The following TOP1MT variants were observed in gnomAD, a reference collection of about 807,000 sequenced individuals.
The protein encoded by TOP1MT is DNA topoisomerase I, mitochondrial.
A neutral mutation model predicts 73.9 loss-of-function variants in TOP1MT; 80 were observed. The ratio of observed to expected loss-of-function variants is 1.08; its 90% confidence interval spans 0.90 to 1.30. TOP1MT has a LOEUF of 1.30. Among genes scored for constraint, TOP1MT ranks in the 50% most tolerant of loss-of-function variants. The pLI, the probability that TOP1MT is intolerant of heterozygous loss-of-function variation, is 0.00. For synonymous variants in TOP1MT, 338 were observed against 326.4 expected (o/e 1.04, Z -0.38); for missense variants, 815 against 808.0 (o/e 1.01, Z -0.10).
intron 7 of TOP1MT, 129 bp from the exon 8 acceptor site, chr8:143,321,515 TCCACACACGCACGCCACACACACGCACG>T (rs1563757702): frequency 8.3e-5 from 34 of 410,208 alleles, no homozygotes; most frequent in African/African-American, 6.2e-4. Context: ...ACACACGCAC[TCCACACACGCACGCCACACACACGCACG>T]CCACACACGC....
At chr8:143,310,836 C>T (rs1309004294) in intron 12 of TOP1MT, among the ~76,000 whole-genome samples, 3 of 152,242 alleles carry the variant, frequency 2.0e-5, no homozygotes, top group Non-Finnish European at 4.4e-5. Context: ...GCATGAGCCA[C>T]ATCCCCAGGG....
upstream of TOP1MT, among the ~76,000 whole-genome samples, chr8:143,337,689 G>A (rs1056849398): frequency 6.6e-6 from 1 of 152,336 alleles, no homozygotes; most frequent in Admixed American, 6.5e-5. Flanking sequence ...TACACCTGTA[G>A]TAAGGGAGGA....
chr8:143,322,642 GCCACACGCACA>G (rs1399301291), intron 7 of TOP1MT, among the ~76,000 whole-genome samples: 1,875 of 9,286 alleles, frequency 0.2, 209 homozygotes, highest in African/African-American at 0.36. Flanking sequence ...ACACACACAC[GCCACACGCACA>G]CCACACACGC....
At chr8:143,342,336 A>G (rs1286713717) in intron 2 of TOP1MT, among the ~76,000 whole-genome samples, 1 of 134,498 alleles carries the variant, frequency 7.4e-6, no homozygotes, top group East Asian at 2.1e-4. Context: ...CGCTGTTATT[A>G]TTATTATTAG....
chr8:143,314,913 A>G (rs1338290525), intron 12 of TOP1MT, among the ~76,000 whole-genome samples: 1 of 152,156 alleles, frequency 6.6e-6, no homozygotes, highest in African/African-American at 2.4e-5. Context: ...ATATGAGGGG[A>G]CATAGTGAGG....
At chr8:143,321,926 T>G (rs370120173) in intron 7 of TOP1MT, among the ~76,000 whole-genome samples, 18 of 8,070 alleles carry the variant, frequency 2.2e-3, no homozygotes, top group East Asian at 8.8e-3. Context: ...GCCACACACA[T>G]GCACGCCACA....
intron 7 of TOP1MT, among the ~76,000 whole-genome samples, chr8:143,321,697 C>A (rs1465029566): frequency 1.3e-4 from 16 of 125,352 alleles, no homozygotes; most frequent in African/African-American, 5.0e-4. Flanking sequence ...CGCACGCACG[C>A]CACGCACACA....
At chr8:143,316,322 A>G (rs1816162378) in intron 10 of TOP1MT, among the ~76,000 whole-genome samples, 196 bp from the exon 11 acceptor site, 1 of 152,176 alleles carries the variant, frequency 6.6e-6, no homozygotes, top group Non-Finnish European at 1.5e-5. Context: ...GTCTTTAACC[A>G]CAGCAACAAG....
chr8:143,339,091 G>A (rs1344209542), upstream of TOP1MT, among the ~76,000 whole-genome samples: 1 of 152,186 alleles, frequency 6.6e-6, no homozygotes, highest in Non-Finnish European at 1.5e-5. Flanking sequence ...AGAAGCCGGA[G>A]CTCCAAGGCT....
At chr8:143,310,501 C>T (rs552512568) in intron 12 of TOP1MT, 210 of 313,090 alleles carry the variant, frequency 6.7e-4, no homozygotes, top group Non-Finnish European at 1.1e-3. Context: ...AGACTGAGGC[C>T]GGCCCAAACA....
chr8:143,351,881 C>T (rs1377407664), intron 1 of TOP1MT, among the ~76,000 whole-genome samples: 8 of 152,164 alleles, frequency 5.3e-5, no homozygotes, highest in African/African-American at 1.9e-4. Context: ...GTCAGGAGTT[C>T]GAGACCAGCC....
rs994748996 is a variant in TOP1MT at position 143,321,346 on chromosome 8, G to A, written c.1001C>T (p.Ala334Val). 5.0e-6 allele frequency: 8 copies of A among 1,598,232 alleles called. No homozygotes were observed. Among genetic ancestry groups the A allele is most frequent in the Non-Finnish European group, 6.0e-6 (7 of 1,168,242 alleles). ...GGAACAGCAGCCCACGGTGTCGGCC[G>A]CCTCACCGTCCTCCTTCTCATTTCC... ...RAGNEKEDGE[A>V]ADTVGCCSLR... is the part of the protein sequence containing the mutation. Residue 334 changes from alanine to valine, a missense_variant, in exon 8 of 14, where the codon GCG becomes GTG. Around this residue, in one of 3 missense-constraint regions of TOP1MT, gnomAD observed 751 missense variants for 725.4 expected, o/e 1.04. Coordinates refer to ENST00000329245, the MANE Select transcript of TOP1MT (RefSeq NM_052963.3).
intron 10 of TOP1MT, among the ~76,000 whole-genome samples, chr8:143,316,477 C>G (rs896945089): frequency 6.9e-6 from 1 of 145,026 alleles, no homozygotes; most frequent in African/African-American, 2.6e-5. Context: ...CTGTGGGTCC[C>G]TGCCTGTCAC....
intron 2 of TOP1MT, among the ~76,000 whole-genome samples, chr8:143,330,947 A>AGGG (rs140746863): frequency 1.7e-5 from 1 of 59,864 alleles, no homozygotes; most frequent in African/African-American, 5.0e-5. Context: ...GGGGGGAGGG[A>AGGG]GGGGGGGTCC....
intron 6 of TOP1MT, 55 bp downstream of exon 6, chr8:143,324,430 G>A: frequency 6.2e-7 from 1 of 1,610,344 alleles, no homozygotes; most frequent in East Asian, 2.2e-5. Flanking sequence ...CTCCCTGCCG[G>A]CGTCCTCAGG....
At chr8:143,334,706 G>C (rs1816944530) in intron 1 of TOP1MT, 34 bp downstream of exon 1, 1 of 1,597,112 alleles carries the variant, frequency 6.3e-7, no homozygotes, top group Non-Finnish European at 8.5e-7. Flanking sequence ...CCGGTGCTCA[G>C]GGCCCTCGCC....
At chr8:143,356,614 C>T (rs1817412223), upstream of TOP1MT, among the ~76,000 whole-genome samples, 1 of 149,954 alleles carries the variant, frequency 6.7e-6, no homozygotes, top group African/African-American at 2.5e-5. Context: ...AGTGAAACCC[C>T]GTCTCTACTA....
At position 143,325,502 on chromosome 8, in the gene TOP1MT, T is replaced by C. The variant is rs2130232840; in HGVS notation, c.515A>G (p.Gln172Arg). The C allele has an allele frequency of 6.2e-7, 1 of 1,610,502 alleles. No homozygotes were observed. Among genetic ancestry groups the C allele is most frequent in the Non-Finnish European group, 8.5e-7 (1 of 1,176,968 alleles). Residue 172 changes from glutamine (Q) to arginine (R), a missense_variant, in exon 5 of 14, where the codon CAA (glutamine) becomes CGA (arginine). Physicochemically the swap from Gln to Arg is conservative, Grantham distance 43 (BLOSUM62 1). Around this residue, in one of 3 missense-constraint regions of TOP1MT, gnomAD observed 751 missense variants for 725.4 expected, o/e 1.04. Coordinates refer to ENST00000329245, the MANE Select transcript of TOP1MT (RefSeq NM_052963.3). Reference sequence around the variant, plus strand: ...ATCTAAAATACAGTAGCCGAACTCTTGCTGAAGTTTTTCTGCCTCTTCTTT... The same window carrying C: ...ATCTAAAATACAGTAGCCGAACTCTCGCTGAAGTTTTTCTGCCTCTTCTTT... The part of the protein sequence containing the change: ...KLKEEAEKLQ[Q>R]EFGYCILDGH...
chr8:143,313,626 G>A (rs1435969422), intron 12 of TOP1MT, among the ~76,000 whole-genome samples: 1 of 151,200 alleles, frequency 6.6e-6, no homozygotes, highest in African/African-American at 2.4e-5. Flanking sequence ...GGCCGAGACA[G>A]GCAGATTGCC....
Sources: gnomAD v4.1 joint callset for allele counts (sites outside exome capture counted in the v4.1 genomes callset) on GRCh38, gnomAD v4.1.1 for gene constraint, gnomAD v4.1.1 regional missense constraint, MANE v1.5 for transcripts, NCBI Gene and HGNC (gene_info 2026-07-23, HGNC 2026-07-21) for gene names.